Variants in WDR27 observed in about 807,000 individuals in gnomAD.
The protein encoded by WDR27 is WD repeat domain 27, also known as WD repeat-containing protein 27.
A neutral mutation model predicts 114.4 loss-of-function variants in WDR27; 100 were observed. That is an observed-to-expected ratio of 0.87 (90% CI 0.74 to 1.03). The LOEUF is 1.03. WDR27 is among the 50% of genes least tolerant of loss of function. WDR27 has a pLI of 0.00. For synonymous variants in WDR27, 449 were observed against 423.1 expected (o/e 1.06, Z -0.75); for missense variants, 1,129 against 1,092.9 (o/e 1.03, Z -0.47).
chr6:169,497,111 TAGAG>T (rs1181731214), intron 25 of WDR27, among the ~76,000 whole-genome samples: 2 of 152,046 alleles, frequency 1.3e-5, no homozygotes, highest in African/African-American at 4.8e-5. Flanking sequence ...TAGAATTAAA[TAGAG>T]AGCCCAGAAA....
At chr6:169,427,512 A>G in the WDR27 span, among the ~76,000 whole-genome samples, 29 of 152,150 alleles carry the variant, frequency 1.9e-4, no homozygotes, top group African/African-American at 6.8e-4. Context: ...AAGTGAAATC[A>G]TCTCAGATCC....
At chr6:169,607,407 C>CACACACACACACACAT (rs1809447303) in intron 22 of WDR27, among the ~76,000 whole-genome samples, 1 of 41,618 alleles carries the variant, frequency 2.4e-5, no homozygotes, top group African/African-American at 5.1e-5. Context: ...CACACACACA[C>CACACACACACACACAT]ACACACACAC....
intron 2 of WDR27, among the ~76,000 whole-genome samples, chr6:169,679,020 C>T (rs554736484): frequency 1.3e-5 from 2 of 152,302 alleles, no homozygotes; most frequent in South Asian, 4.1e-4. Context: ...AATCCTTTAG[C>T]TTAACCTGAA....
At chr6:169,522,969 A>C (rs560360211) in intron 25 of WDR27, among the ~76,000 whole-genome samples, 1 of 152,092 alleles carries the variant, frequency 6.6e-6, no homozygotes, top group African/African-American at 2.4e-5. Flanking sequence ...GATCAGAGGA[A>C]AAATAAATGA....
intron 25 of WDR27, among the ~76,000 whole-genome samples, chr6:169,554,458 C>T (rs1170827646): frequency 6.6e-6 from 1 of 152,196 alleles, no homozygotes; most frequent in Admixed American, 6.5e-5. Flanking sequence ...CTTGTCAACT[C>T]CAGTACTCTT....
At chr6:169,608,668 G>A (rs891956832) in intron 22 of WDR27, among the ~76,000 whole-genome samples, 4 of 152,170 alleles carry the variant, frequency 2.6e-5, no homozygotes, top group African/African-American at 9.7e-5. Flanking sequence ...TACAATTCAA[G>A]ATGAGATTTG....
chr6:169,563,355 A>G (rs1247062025), intron 25 of WDR27, among the ~76,000 whole-genome samples: 2 of 152,160 alleles, frequency 1.3e-5, no homozygotes, highest in Admixed American at 1.3e-4. Context: ...TCCTGACGGG[A>G]GCCCACAACC....
At chr6:169,443,808 A>T in the WDR27 span, among the ~76,000 whole-genome samples, 56,674 of 152,054 alleles carry the variant, frequency 0.37, 13,276 homozygotes, top group Non-Finnish European at 0.53. Flanking sequence ...AGAAGACTTC[A>T]TGTATACTAA....
At chr6:169,520,391 A>T (rs1794221317) in intron 25 of WDR27, among the ~76,000 whole-genome samples, 1 of 152,204 alleles carries the variant, frequency 6.6e-6, no homozygotes, top group Non-Finnish European at 1.5e-5. Flanking sequence ...TTGAAAAGTA[A>T]ATTACAAAGA....
intron 25 of WDR27, among the ~76,000 whole-genome samples, chr6:169,532,971 CA>C (rs1428910409): frequency 6.6e-6 from 1 of 151,924 alleles, no homozygotes; most frequent in African/African-American, 2.4e-5. Context: ...AAAACAAAAA[CA>C]AAAACATATA....
chr6:169,511,187 G>A lies in WDR27; in HGVS notation c.2646-53553C>T, dbSNP rs150024819. On this transcript the variant is annotated intron_variant, in intron 25 of 25. Transcript: ENST00000448612. ...CAAAATCCATTTAGCTGCCTTTGAG[G>A]AGCCTTTGTGTAACCTTCCATTGAA... Among the ~76,000 whole-genome samples the A allele has an allele frequency of 1.7e-3, 266 of 152,280 alleles. 3 individuals carry two copies. The highest frequency in any genetic ancestry group is 5.9e-3 in the African/African-American group (247 of 41,566).
In WDR27 at chr6:169,538,408, G is replaced by A. The variant is rs1403091330; in HGVS notation, c.2645+34011C>T. Among the ~76,000 whole-genome samples, 6 of 152,046 alleles carry A rather than the reference G, an allele frequency of 3.9e-5. 1 individual carries two copies. Among genetic ancestry groups the A allele is most frequent in the Admixed American group, 2.0e-4 (3 of 15,256 alleles). On this transcript the variant is annotated intron_variant, in intron 25 of 25. Coordinates refer to ENST00000448612, the MANE Select transcript of WDR27 (RefSeq NM_182552.5). ...CAATCTCTCTGAAACTTCCAACCGT[G>A]CGACATAGTTCAATAACATGGAAGC...
chr6:169,667,448 G>C, intron 5 of WDR27: 1 of 942,168 alleles, frequency 1.1e-6, no homozygotes, highest in Non-Finnish European at 1.3e-6. Context: ...GAAACAAGGT[G>C]AAAAACAGTT....
chr6:169,638,322 C>CAAAAAAAAAAAA (rs60501000), intron 18 of WDR27, among the ~76,000 whole-genome samples: 2 of 11,064 alleles, frequency 1.8e-4, no homozygotes, highest in African/African-American at 4.3e-4. Flanking sequence ...GACTCCGTCT[C>CAAAAAAAAAAAA]AAAAAAAAAA....
intron 1 of WDR27, among the ~76,000 whole-genome samples, chr6:169,691,847 C>T (rs146587825): frequency 1.3e-3 from 203 of 152,236 alleles, no homozygotes; most frequent in African/African-American, 4.5e-3. Flanking sequence ...GGCAAGAAGA[C>T]GGCAGCTAGG....
chr6:169,535,280 A>T (rs1796078884), intron 25 of WDR27, among the ~76,000 whole-genome samples: 1 of 151,494 alleles, frequency 6.6e-6, no homozygotes, highest in African/African-American at 2.5e-5. Context: ...GCACCTAAGG[A>T]ACATCAGATA....
intron 25 of WDR27, among the ~76,000 whole-genome samples, chr6:169,522,389 C>A (rs9478038): frequency 0.41 from 62,101 of 151,752 alleles, 14,852 homozygotes; most frequent in African/African-American, 0.67. Flanking sequence ...ACTTCAATAC[C>A]CCATTTTCAG....
intron 13 of WDR27, among the ~76,000 whole-genome samples, chr6:169,653,827 G>C (rs1352359301): frequency 6.6e-6 from 1 of 152,232 alleles, no homozygotes; most frequent in Admixed American, 6.5e-5. Flanking sequence ...AGGGAGGTGA[G>C]GGCAGAAAGG....
intron 25 of WDR27, among the ~76,000 whole-genome samples, chr6:169,492,312 A>G (rs1789874673): frequency 6.6e-6 from 1 of 152,104 alleles, no homozygotes; most frequent in Admixed American, 6.5e-5. Context: ...AATTACCTCA[A>G]ATTCAGCTTA....
Sources: allele counts gnomAD v4.1 joint callset (sites outside exome capture counted in the v4.1 genomes callset), GRCh38; gene constraint gnomAD v4.1.1; transcripts MANE v1.5; gene names NCBI Gene and HGNC (gene_info 2026-07-23, HGNC 2026-07-21).